The following EXOC6B variants were observed in gnomAD, a reference collection of about 807,000 sequenced individuals.
EXOC6B encodes exocyst complex component 6B, also known as SEC15 homolog B.
EXOC6B carries 54 observed loss-of-function variants against 113.5 expected under a neutral mutation model. That is an observed-to-expected ratio of 0.48 (90% CI 0.38 to 0.60). The LOEUF (loss-of-function observed/expected upper bound fraction) is 0.60, where lower values mean the gene tolerates loss of function less well. EXOC6B is among the 20% of genes least tolerant of loss of function. The pLI, the probability that EXOC6B is intolerant of heterozygous loss-of-function variation, is 0.00. For synonymous variants in EXOC6B, 357 were observed against 339.0 expected (o/e 1.05, Z -0.58); for missense variants, 797 against 977.5 (o/e 0.82, Z 2.46).
intron 18 of EXOC6B, among the ~76,000 whole-genome samples, chr2:72,431,539 A>ATCTATCT (rs1558660211): frequency 6.7e-6 from 1 of 150,300 alleles, no homozygotes; most frequent in Admixed American, 6.6e-5. Context: ...CTATCTATCT[A>ATCTATCT]AGACCAGGTC....
intron 18 of EXOC6B, among the ~76,000 whole-genome samples, chr2:72,433,473 T>A (rs535531296): frequency 1.3e-5 from 2 of 152,342 alleles, no homozygotes; most frequent in East Asian, 3.9e-4. Context: ...GGGAGTAGCA[T>A]TCAATGTATA....
intron 20 of EXOC6B, among the ~76,000 whole-genome samples, chr2:72,215,399 A>C (rs74431640): frequency 0.013 from 1,967 of 152,220 alleles, 36 homozygotes; most frequent in African/African-American, 0.045. Context: ...TATCTCACCA[A>C]ACTGTCTCAC....
intron 7 of EXOC6B, among the ~76,000 whole-genome samples, chr2:72,566,127 G>C (rs1428057147): frequency 6.6e-6 from 1 of 151,808 alleles, no homozygotes; most frequent in East Asian, 1.9e-4. Context: ...TCATAATCAA[G>C]ATAAGAAGAA....
At chr2:72,823,695 G>A (rs972631495) in intron 1 of EXOC6B, among the ~76,000 whole-genome samples, 4 of 151,640 alleles carry the variant, frequency 2.6e-5, no homozygotes, top group Non-Finnish European at 5.9e-5. Context: ...TGAGGTGGGA[G>A]AATCACCAGG....
At chr2:72,585,158 G>C (rs964777217) in intron 6 of EXOC6B, among the ~76,000 whole-genome samples, 17 of 149,994 alleles carry the variant, frequency 1.1e-4, no homozygotes, top group African/African-American at 4.0e-4. Flanking sequence ...CATCAGAGAA[G>C]AATTGAACAA....
intron 20 of EXOC6B, among the ~76,000 whole-genome samples, chr2:72,224,819 T>C (rs371905952): frequency 3.7e-4 from 56 of 150,252 alleles, no homozygotes; most frequent in Admixed American, 7.3e-4. Flanking sequence ...TGTGTGTGTG[T>C]GCGTGTGTGT....
chr2:72,441,518 G>A (rs1374414573), intron 18 of EXOC6B, among the ~76,000 whole-genome samples: 1 of 151,586 alleles, frequency 6.6e-6, no homozygotes, highest in Non-Finnish European at 1.5e-5. Flanking sequence ...GAAGAAAAGA[G>A]AGAAGATTCA....
At chr2:72,241,806 C>T (rs1682326866) in intron 20 of EXOC6B, among the ~76,000 whole-genome samples, 1 of 152,120 alleles carries the variant, frequency 6.6e-6, no homozygotes, top group Non-Finnish European at 1.5e-5. Flanking sequence ...CTTCCTCAAA[C>T]AAACAAATAT....
intron 7 of EXOC6B, among the ~76,000 whole-genome samples, chr2:72,562,079 C>T (rs1384149805): frequency 6.6e-6 from 1 of 152,112 alleles, no homozygotes; most frequent in Non-Finnish European, 1.5e-5. Context: ...TAGGAATGAA[C>T]ACTGTGAGGA....
chr2:72,500,670 C>A (rs946422442), intron 11 of EXOC6B, among the ~76,000 whole-genome samples: 4 of 152,076 alleles, frequency 2.6e-5, no homozygotes, highest in Admixed American at 1.3e-4. Context: ...CCATGTATAA[C>A]CTCATATCAA....
chr2:72,392,910 C>A (rs759696092), intron 18 of EXOC6B, among the ~76,000 whole-genome samples: 31 of 151,978 alleles, frequency 2.0e-4, no homozygotes, highest in Non-Finnish European at 2.2e-4. Context: ...CTCTGTGGGC[C>A]CAATTCTCAA....
rs1681674837 is a variant in EXOC6B, at chr2:72,232,292, A to AT, written c.2197-48106dup. On this transcript the variant is annotated intron_variant, in intron 20 of 21. Transcript: ENST00000272427. ...GCCCAGCCTCTGCCTATTAGCAAAG[A>AT]TTTTTTAAAAACTGAGAATATTTAA... 4.6e-5 allele frequency among the ~76,000 whole-genome samples: 7 copies of AT among 152,230 alleles called. No homozygotes were observed. The South Asian group carries it at 1.5e-3, about 32-fold the overall frequency.
At chr2:72,552,838 T>G (rs1422675898) in intron 8 of EXOC6B, among the ~76,000 whole-genome samples, 10 of 151,936 alleles carry the variant, frequency 6.6e-5, no homozygotes, top group Non-Finnish European at 1.5e-4. Context: ...TTATGTTTTC[T>G]TAAAAGATTA....
intron 8 of EXOC6B, among the ~76,000 whole-genome samples, chr2:72,541,419 TCTTC>T (rs1420557861): frequency 1.3e-5 from 2 of 152,140 alleles, no homozygotes; most frequent in Non-Finnish European, 2.9e-5. Flanking sequence ...TTCCTCCCTT[TCTTC>T]CTTCCTTCTT....
intron 6 of EXOC6B, among the ~76,000 whole-genome samples, chr2:72,707,446 C>T (rs1678959383): frequency 6.7e-6 from 1 of 150,358 alleles, no homozygotes; most frequent in Admixed American, 6.6e-5. Context: ...CAGAGTCTTG[C>T]TCTGTCACCC....
In EXOC6B at chr2:72,184,055, C is replaced by T. The variant is rs1028202691; in HGVS notation, c.2309+20G>A. The T allele has an allele frequency of 1.4e-6, 2 of 1,391,026 alleles. No homozygotes were observed. Among genetic ancestry groups the T allele is most frequent in the East Asian group, 2.5e-5 (1 of 40,374 alleles). The allele number at this position is 1,391,026 out of a possible 1,614,324, so 86.2% of individuals were successfully genotyped here. A position where few individuals can be genotyped will look rare whatever the true frequency, so the allele number is the denominator to read the frequency against. On this transcript the variant is annotated intron_variant, in intron 21 of 21. Coordinates refer to ENST00000272427, the MANE Select transcript of EXOC6B (RefSeq NM_015189.3). Reference sequence around the variant, plus strand: ...CTGTCTCCCCACCTCCCAACACAGACCATTGGACAAGGTACTCACTTCTCA... The same window carrying T: ...CTGTCTCCCCACCTCCCAACACAGATCATTGGACAAGGTACTCACTTCTCA...
intron 6 of EXOC6B, among the ~76,000 whole-genome samples, chr2:72,652,984 TA>T (rs994312953): frequency 1.8e-4 from 28 of 151,914 alleles, no homozygotes; most frequent in African/African-American, 5.8e-4. Context: ...CAGTTATATA[TA>T]TTTTTTTTAA....
chr2:72,627,234 T>C (rs971164024), intron 6 of EXOC6B, among the ~76,000 whole-genome samples: 4 of 152,196 alleles, frequency 2.6e-5, no homozygotes, highest in African/African-American at 9.6e-5. Flanking sequence ...ATTTTTCCTC[T>C]CTTCATCTCT....
intron 20 of EXOC6B, among the ~76,000 whole-genome samples, chr2:72,309,410 C>T (rs914855907): frequency 4.6e-5 from 7 of 152,106 alleles, no homozygotes; most frequent in Admixed American, 4.6e-4. Flanking sequence ...GGCTGAACCT[C>T]GTTTACTCGC....
Sources: gnomAD v4.1 joint callset for allele counts (sites outside exome capture counted in the v4.1 genomes callset) on GRCh38, gnomAD v4.1.1 for gene constraint, MANE v1.5 for transcripts, NCBI Gene and HGNC (gene_info 2026-07-23, HGNC 2026-07-21) for gene names.